Variants in GABBR2 observed in about 807,000 individuals in gnomAD.
GABBR2 encodes gamma-aminobutyric acid type B receptor subunit 2.
Under a neutral mutation model 105.6 loss-of-function variants are expected in GABBR2, and 23 were observed. The observed-to-expected ratio is 0.22, with a 90% CI of 0.16 to 0.31. The LOEUF (loss-of-function observed/expected upper bound fraction) is 0.31. Among genes scored for constraint, GABBR2 ranks in the 10% least tolerant of loss-of-function variants. The probability of loss-of-function intolerance (pLI) is 1.00; values close to 1 mark genes in which losing one functional copy is unlikely to be tolerated. For synonymous variants in GABBR2, 478 were observed against 499.7 expected, an observed-to-expected ratio of 0.96 and a Z score of 0.58; for missense variants, 734 against 1,245.5, an observed-to-expected ratio of 0.59 and a Z score of 6.18.
At chr9:98,463,002 C>T (rs1197306643) in intron 6 of GABBR2, among the ~76,000 whole-genome samples, 1 of 152,156 alleles carries the variant, frequency 6.6e-6, no homozygotes, top group East Asian at 1.9e-4. Context: ...GATCCTCCTG[C>T]CTCAGCCTCC....
chr9:98,471,232 C>A (rs767490747), intron 6 of GABBR2, among the ~76,000 whole-genome samples: 1 of 152,138 alleles, frequency 6.6e-6, no homozygotes, highest in African/African-American at 2.4e-5. Context: ...AAAGACCATG[C>A]GGACAGGGAT....
rs372328290 is a variant in GABBR2 at position 98,290,836 on chromosome 9, C to G, written c.2661-87G>C. The G allele has an allele frequency of 7.0e-6, 6 of 863,102 alleles. No individual in the cohort carries two copies. In the African/African-American group the frequency reaches 8.9e-5, roughly 13 times the overall value. The allele number at this position is 863,102 out of a possible 1,614,324, so 53.5% of individuals were successfully genotyped here. ...CTTGGACTTGCTTTGGCTAAAAAAG[C>G]TGATGACAGGAGCATATTTTTCTCT... On this transcript the variant is annotated intron_variant, in intron 18 of 18. Coordinates refer to ENST00000259455, the MANE Select transcript of GABBR2 (RefSeq NM_005458.8).
chr9:98,519,003 G>A (rs989512744), intron 3 of GABBR2, among the ~76,000 whole-genome samples: 9 of 152,192 alleles, frequency 5.9e-5, no homozygotes, highest in Non-Finnish European at 2.9e-5. Flanking sequence ...ATCTTCTTAC[G>A]AGCAGTACTC....
At chr9:98,595,782 G>A (rs986580461) in intron 1 of GABBR2, among the ~76,000 whole-genome samples, 6 of 152,122 alleles carry the variant, frequency 3.9e-5, no homozygotes, top group Non-Finnish European at 8.8e-5. Context: ...GCTGGAGGTT[G>A]TATTTATAAG....
intron 9 of GABBR2, among the ~76,000 whole-genome samples, chr9:98,393,263 C>T (rs543152809): frequency 6.6e-6 from 1 of 150,474 alleles, no homozygotes; most frequent in Admixed American, 6.7e-5. Context: ...GTCCATCTAT[C>T]CACTCACCCA....
chr9:98,689,953 T>C (rs1436901577), intron 1 of GABBR2, among the ~76,000 whole-genome samples: 1 of 152,142 alleles, frequency 6.6e-6, no homozygotes, highest in Non-Finnish European at 1.5e-5. Context: ...CAAAGTGACT[T>C]AAAAACAAAA....
chr9:98,497,228 C>T (rs970776247), intron 3 of GABBR2, among the ~76,000 whole-genome samples: 1 of 152,176 alleles, frequency 6.6e-6, no homozygotes, highest in Non-Finnish European at 1.5e-5. Flanking sequence ...GATCACGCCA[C>T]CGTACTCCAG....
At chr9:98,636,677 A>G (rs757792872) in intron 1 of GABBR2, among the ~76,000 whole-genome samples, 3 of 151,820 alleles carry the variant, frequency 2.0e-5, no homozygotes, top group Non-Finnish European at 4.4e-5. Context: ...GTATTTTAGT[A>G]GAGATGGGGT....
chr9:98,675,571 A>G (rs910951287), intron 1 of GABBR2, among the ~76,000 whole-genome samples: 32 of 152,148 alleles, frequency 2.1e-4, no homozygotes, highest in African/African-American at 6.8e-4. Flanking sequence ...GCCTCAGATA[A>G]TGGGCTCAGT....
At position 98,402,451 on chromosome 9, in the gene GABBR2, G is replaced by A. The variant is rs775500926; in HGVS notation, c.1297+3630C>T. Reference sequence around the variant, plus strand: ...GAGATGAAAGGGGTTCAGGCCTGAGGTGTGTGCCCAACAGGATGCTAATAC... The same window carrying A: ...GAGATGAAAGGGGTTCAGGCCTGAGATGTGTGCCCAACAGGATGCTAATAC... On this transcript the variant is annotated intron_variant, in intron 8 of 18. Coordinates refer to ENST00000259455, the MANE Select transcript of GABBR2 (RefSeq NM_005458.8). 3.0e-4 allele frequency among the ~76,000 whole-genome samples: 45 copies of A among 152,204 alleles called. 2 individuals carry two copies. Among genetic ancestry groups the A allele is most frequent in the Non-Finnish European group, 1.3e-4 (9 of 68,028 alleles).
intron 1 of GABBR2, among the ~76,000 whole-genome samples, chr9:98,692,622 C>T (rs1457336960): frequency 6.6e-6 from 1 of 152,228 alleles, no homozygotes; most frequent in African/African-American, 2.4e-5. Flanking sequence ...CTGTAGCATG[C>T]CTGGCCGCTG....
At chr9:98,352,609 G>T (rs1831418528) in intron 13 of GABBR2, among the ~76,000 whole-genome samples, 1 of 152,096 alleles carries the variant, frequency 6.6e-6, no homozygotes, top group African/African-American at 2.4e-5. Context: ...ATGGTGAGTG[G>T]GACAGACTGG....
At chr9:98,323,128 T>C (rs930754080) in intron 13 of GABBR2, among the ~76,000 whole-genome samples, 1 of 152,130 alleles carries the variant, frequency 6.6e-6, no homozygotes, top group African/African-American at 2.4e-5. Flanking sequence ...AGTGGAACTG[T>C]GACTTGAACC....
At chr9:98,472,875 G>A (rs1425229951) in intron 6 of GABBR2, among the ~76,000 whole-genome samples, 1 of 152,088 alleles carries the variant, frequency 6.6e-6, no homozygotes, top group Non-Finnish European at 1.5e-5. Context: ...TTGATGCCAG[G>A]ACTCTATTAT....
intron 11 of GABBR2, among the ~76,000 whole-genome samples, chr9:98,372,068 C>A (rs1007077589): frequency 1.3e-5 from 2 of 152,248 alleles, no homozygotes; most frequent in African/African-American, 4.8e-5. Context: ...ACCTTGGTCC[C>A]TGCTCAGGAC....
intron 2 of GABBR2, among the ~76,000 whole-genome samples, chr9:98,550,529 C>A (rs539470094): frequency 6.6e-6 from 1 of 152,284 alleles, no homozygotes; most frequent in East Asian, 1.9e-4. Context: ...CCATCCTCAC[C>A]ACCACAGCCC....
In GABBR2 at chr9:98,422,305, T is replaced by C. The variant is rs1420115523; in HGVS notation, c.1237-16164A>G. Reference sequence around the variant, plus strand: ...ACTTAGAAATACAGACAATTCTAGGTATTGGTGAAGACAGAGACATGGGGC... The same window carrying C: ...ACTTAGAAATACAGACAATTCTAGGCATTGGTGAAGACAGAGACATGGGGC... On this transcript the variant is annotated intron_variant, in intron 7 of 18. Coordinates refer to ENST00000259455, the MANE Select transcript of GABBR2 (RefSeq NM_005458.8). 2.6e-5 allele frequency among the ~76,000 whole-genome samples: 4 copies of C among 152,086 alleles called. No homozygotes were observed. In the East Asian group the frequency reaches 7.7e-4, roughly 29 times the overall value.
intron 13 of GABBR2, among the ~76,000 whole-genome samples, chr9:98,323,605 C>T (rs1041633340): frequency 2.0e-5 from 3 of 152,210 alleles, no homozygotes; most frequent in Admixed American, 1.3e-4. Context: ...CCCAGAGGGC[C>T]CTGCCCAAGC....
chr9:98,553,844 A>G (rs1828535387), intron 2 of GABBR2, among the ~76,000 whole-genome samples: 1 of 152,226 alleles, frequency 6.6e-6, no homozygotes, highest in Admixed American at 6.5e-5. Flanking sequence ...CTGGCAGAGC[A>G]GGGAGACTAA....
Sources: allele counts gnomAD v4.1 joint callset (sites outside exome capture counted in the v4.1 genomes callset), GRCh38; gene constraint gnomAD v4.1.1; transcripts MANE v1.5; gene names NCBI Gene and HGNC (gene_info 2026-07-23, HGNC 2026-07-21).